Variants in FGD6 observed in about 807,000 individuals in gnomAD.
FGD6 encodes FYVE, RhoGEF and PH domain-containing protein 6.
Under a neutral mutation model 149.4 loss-of-function variants are expected in FGD6, and 90 were observed. The observed-to-expected ratio is 0.60, with a 90% CI of 0.51 to 0.72. The LOEUF is 0.72. FGD6 is among the 30% of genes least tolerant of loss of function. The probability of loss-of-function intolerance (pLI) is 0.00; values close to 1 mark genes in which losing one functional copy is unlikely to be tolerated. For synonymous variants in FGD6, 527 were observed against 584.0 expected (o/e 0.90, Z 1.41); for missense variants, 1,437 against 1,684.8 (o/e 0.85, Z 2.57).
chr12:95,121,481 GTATATA>G (rs71830420), intron 8 of FGD6, among the ~76,000 whole-genome samples: 27 of 121,822 alleles, frequency 2.2e-4, no homozygotes, highest in Non-Finnish European at 3.6e-4. Context: ...ATATATATAT[GTATATA>G]TATATATATA....
rs1188149630 is a variant in FGD6 at position 95,094,619 on chromosome 12, G to A, written c.3573C>T (p.Thr1191=). 5.0e-6 allele frequency: 8 copies of A among 1,612,876 alleles called. No homozygotes were observed. The highest frequency in any genetic ancestry group is 1.7e-5 in the Admixed American group (1 of 59,936). Residue 1191 remains threonine, a synonymous_variant, in exon 15 of 21, where the codon ACC becomes ACT. Transcript: ENST00000343958. ...AIEEYAKKRI[T]FCPSRSLDEA... is the part of the protein sequence containing the mutation. ...CATCAAGACTCCTACTAGGACAGAA[G>A]GTGATTCTTTTCTTGGCATACTCTT...
In FGD6 at chr12:95,092,747, G is replaced by C; in HGVS notation, c.3699C>G (p.Ser1233Arg). The change falls in exon 16 of 21, where the codon AGC (serine) becomes AGG (arginine). Residue 1233 changes from serine (S) to arginine (R), a missense_variant. By Grantham distance (110) the Ser-to-Arg change is moderately radical. Transcript: ENST00000343958. ...GTCGTCTCCAGGTGAGAGTGAATTC[G>C]CTTGTGCAGATCATACACATTGTGG... is the stretch of plus-strand genomic sequence containing the variant. The part of the protein sequence containing the change: ...TRATMCMICT[S>R]EFTLTWRRHH... 6.2e-7 allele frequency: 1 copy of C among 1,614,084 alleles called. No homozygotes were observed.
chr12:95,177,479 G>A (rs1349588858), intron 2 of FGD6, among the ~76,000 whole-genome samples: 2 of 152,140 alleles, frequency 1.3e-5, no homozygotes, highest in Non-Finnish European at 2.9e-5. Context: ...ACCTTCAGAA[G>A]TTTCTTTCTT....
Position 95,114,493 on chromosome 12 carries a change from C to CACACACACGT in FGD6, c.3083-793_3083-792insACGTGTGTGT, listed in dbSNP as rs1555217714. ...ACACACACACACACACACACACACA[C>CACACACACGT]GTCAGACGTGCTGCTAAATATCTTA... On this transcript the variant is annotated intron_variant, in intron 8 of 20. Transcript: ENST00000343958. Among the ~76,000 whole-genome samples, 349 of 143,012 alleles carry CACACACACGT rather than the reference C, an allele frequency of 2.4e-3. 9 individuals carry two copies. Among genetic ancestry groups the CACACACACGT allele is most frequent in the Non-Finnish European group, 3.7e-3 (241 of 65,762 alleles). 93.8% of individuals were successfully genotyped at this position (143,012 alleles called of 152,430 possible).
intron 2 of FGD6, among the ~76,000 whole-genome samples, chr12:95,196,069 T>A (rs1019086280): frequency 6.6e-6 from 1 of 151,998 alleles, no homozygotes; most frequent in African/African-American, 2.4e-5. Flanking sequence ...GCAGCGAGCT[T>A]GAGATCACGC....
At chr12:95,125,862 A>T in intron 8 of FGD6, 1 of 1,123,342 alleles carries the variant, frequency 8.9e-7, no homozygotes, top group Non-Finnish European at 1.4e-6. Context: ...TGATCAGAAC[A>T]GGGCTTTGGT....
chr12:95,140,078 G>A (rs1879800297), intron 6 of FGD6, among the ~76,000 whole-genome samples: 1 of 152,118 alleles, frequency 6.6e-6, no homozygotes. Context: ...TCCAAAACAA[G>A]CAGAGGTATT....
At chr12:95,124,067 C>A (rs1246950425) in intron 8 of FGD6, among the ~76,000 whole-genome samples, 1 of 151,696 alleles carries the variant, frequency 6.6e-6, no homozygotes, top group Middle Eastern at 3.2e-3. Flanking sequence ...GTGTGTGCCA[C>A]CATGCATGGC....
chr12:95,130,272 CATCTT>C (rs1452656188), intron 8 of FGD6, among the ~76,000 whole-genome samples: 1 of 152,128 alleles, frequency 6.6e-6, no homozygotes, highest in African/African-American at 2.4e-5. Context: ...CAGAAGAAAC[CATCTT>C]ATCTTATCAT....
chr12:95,137,967 A>G (rs890514050), intron 6 of FGD6, among the ~76,000 whole-genome samples: 7 of 152,146 alleles, frequency 4.6e-5, no homozygotes, highest in Admixed American at 4.6e-4. Flanking sequence ...CATACCTGTA[A>G]TCCCAGCACT....
At chr12:95,102,465 AAACAC>A (rs1878481001) in intron 14 of FGD6, among the ~76,000 whole-genome samples, 9 of 138,564 alleles carry the variant, frequency 6.5e-5, no homozygotes, top group African/African-American at 2.5e-4. Flanking sequence ...AAAAAAAAAA[AAACAC>A]AACAACAATA....
At chr12:95,107,686 T>C (rs1311607207) in intron 11 of FGD6, 55 bp from the exon 12 acceptor site, 1 of 1,565,880 alleles carries the variant, frequency 6.4e-7, no homozygotes, top group East Asian at 2.3e-5. Context: ...ACAACGACAA[T>C]ATAATTTCCT....
intron 14 of FGD6, among the ~76,000 whole-genome samples, chr12:95,098,053 A>C (rs906513978): frequency 6.6e-6 from 1 of 152,118 alleles, no homozygotes; most frequent in African/African-American, 2.4e-5. Flanking sequence ...TGGTGCCCAA[A>C]TATATGTCTC....
rs1047298225 is a variant in FGD6, at chr12:95,180,869, T to A, written c.2442-8125A>T. Among the ~76,000 whole-genome samples, 4 of 152,052 alleles carry A rather than the reference T, an allele frequency of 2.6e-5. No homozygotes were observed. In the East Asian group the frequency reaches 7.7e-4, roughly 29 times the overall value. On this transcript the variant is annotated intron_variant, in intron 2 of 20. Transcript: ENST00000343958. ...CACATATTTTTATATGTATATAAAC[T>A]CTTTAGGGATAGTTTATTTTCTTCC...
intron 11 of FGD6, 54 bp downstream of exon 11, chr12:95,108,294 A>C: frequency 1.4e-6 from 2 of 1,457,852 alleles, no homozygotes; most frequent in African/African-American, 1.4e-5. Context: ...ACAGATACAG[A>C]TGGTACCTAA....
chr12:95,157,658 A>C (rs2136275738), intron 3 of FGD6, among the ~76,000 whole-genome samples: 1 of 152,186 alleles, frequency 6.6e-6, no homozygotes, highest in South Asian at 2.1e-4. Context: ...TAATCTTTAA[A>C]TGGATTACTA....
chr12:95,087,830 G>A (rs1347842141), intron 18 of FGD6, among the ~76,000 whole-genome samples: 1 of 151,666 alleles, frequency 6.6e-6, no homozygotes, highest in Middle Eastern at 3.2e-3. Context: ...CATTAAATTA[G>A]AAATATTTGT....
At chr12:95,163,396 T>C (rs973079747) in intron 3 of FGD6, among the ~76,000 whole-genome samples, 5 of 152,166 alleles carry the variant, frequency 3.3e-5, no homozygotes, top group African/African-American at 1.2e-4. Context: ...TCCCTCCTAC[T>C]ATCAAAGGAC....
intron 14 of FGD6, 141 bp downstream of exon 14, chr12:95,104,866 T>C: frequency 3.1e-6 from 2 of 647,198 alleles, no homozygotes; most frequent in Non-Finnish European, 5.2e-6. Context: ...TGAGCCGTGA[T>C]TGTGCCACTG....
Sources: allele counts gnomAD v4.1 joint callset (sites outside exome capture counted in the v4.1 genomes callset), GRCh38; gene constraint gnomAD v4.1.1; transcripts MANE v1.5; gene names NCBI Gene and HGNC (gene_info 2026-07-23, HGNC 2026-07-21).